PHF21B: variants seen among roughly 807,000 people sequenced by gnomAD.
The protein encoded by PHF21B is PHD finger protein 4.
Under a neutral mutation model 62.2 loss-of-function variants are expected in PHF21B, and 22 were observed. The ratio of observed to expected loss-of-function variants is 0.35; its 90% confidence interval spans 0.25 to 0.51. PHF21B has a LOEUF of 0.51. Ranked by LOEUF, PHF21B falls within the 20% of genes least tolerant of loss-of-function variation. PHF21B has a pLI of 0.97. For synonymous variants in PHF21B, 341 were observed against 314.7 expected, an observed-to-expected ratio of 1.08 and a Z score of -0.88; for missense variants, 701 against 707.9, an observed-to-expected ratio of 0.99 and a Z score of 0.11.
intron 2 of PHF21B, among the ~76,000 whole-genome samples, chr22:44,921,889 C>A (rs952437193): frequency 6.6e-6 from 1 of 152,120 alleles, no homozygotes; most frequent in Non-Finnish European, 1.5e-5. Flanking sequence ...AAACTCCTAA[C>A]CTCAGGTGAT....
At chr22:44,917,047 G>A (rs2239794) in intron 3 of PHF21B, among the ~76,000 whole-genome samples, 45,217 of 152,182 alleles carry the variant, frequency 0.3, 7,775 homozygotes, top group Non-Finnish European at 0.37. Flanking sequence ...GAGGGGCTTC[G>A]AGGGCTCCTG....
At chr22:44,884,764 CCACCAT>C (rs1258984448) in intron 12 of PHF21B, among the ~76,000 whole-genome samples, 3 of 40,162 alleles carry the variant, frequency 7.5e-5, no homozygotes, top group Non-Finnish European at 1.2e-4. Flanking sequence ...ACCATCATTA[CCACCAT>C]CACCATCACC....
chr22:44,992,731 G>T (rs2073060656), intron 2 of PHF21B, among the ~76,000 whole-genome samples: 1 of 152,168 alleles, frequency 6.6e-6, no homozygotes, highest in African/African-American at 2.4e-5. Context: ...CACAGAGTAG[G>T]CATAAGAATG....
chr22:44,972,526 G>C (rs960945194), intron 2 of PHF21B, among the ~76,000 whole-genome samples: 1 of 152,082 alleles, frequency 6.6e-6, no homozygotes, highest in African/African-American at 2.4e-5. Flanking sequence ...GAGTGTTGGC[G>C]GACGCGGCTG....
chr22:44,922,291 G>A (rs1165070634), intron 2 of PHF21B, among the ~76,000 whole-genome samples: 1 of 152,202 alleles, frequency 6.6e-6, no homozygotes, highest in Non-Finnish European at 1.5e-5. Context: ...ACAGCTGTTA[G>A]GACTAATAAA....
rs138286479 is a variant in PHF21B, at chr22:44,912,814, G to A, written c.831+1008C>T. Among the ~76,000 whole-genome samples the A allele has an allele frequency of 8.0e-3, 1,092 of 136,876 alleles. 9 individuals are homozygous for A. Among genetic ancestry groups the A allele is most frequent in the South Asian group, 0.014 (57 of 4,184 alleles). The allele number at this position is 136,876 out of a possible 152,430, so 89.8% of individuals were successfully genotyped here. A position where few individuals can be genotyped will look rare whatever the true frequency, so the allele number is the denominator to read the frequency against. On this transcript the variant is annotated intron_variant, in intron 5 of 12. Transcript: ENST00000313237. Reference sequence around the variant, plus strand: ...GGATCACTTGAGCCCAGGAGGTTGAGGCTGCAGTGAGCTATGATGGTGCCA... The same window carrying A: ...GGATCACTTGAGCCCAGGAGGTTGAAGCTGCAGTGAGCTATGATGGTGCCA...
At chr22:44,941,264 C>G (rs1383667621) in intron 2 of PHF21B, among the ~76,000 whole-genome samples, 1 of 152,174 alleles carries the variant, frequency 6.6e-6, no homozygotes, top group Non-Finnish European at 1.5e-5. Flanking sequence ...TCCAGAGGTC[C>G]ACGCAGTGCT....
chr22:44,924,777 T>C (rs186242585), intron 2 of PHF21B, among the ~76,000 whole-genome samples: 2 of 152,360 alleles, frequency 1.3e-5, no homozygotes, highest in Middle Eastern at 3.4e-3. Context: ...AGGACATTTA[T>C]GATACGAGAC....
intron 2 of PHF21B, among the ~76,000 whole-genome samples, chr22:44,961,828 G>C (rs893916695): frequency 2.0e-5 from 3 of 151,316 alleles, no homozygotes. Context: ...CTGGGTGACA[G>C]AGCGAGACTC....
chr22:44,919,911 G>T (rs1262474063), intron 3 of PHF21B, among the ~76,000 whole-genome samples: 1 of 152,250 alleles, frequency 6.6e-6, no homozygotes, highest in Non-Finnish European at 1.5e-5. Flanking sequence ...CTGGGGCAAA[G>T]CGTGGAGTCC....
chr22:44,962,383 C>T lies in PHF21B; in HGVS notation c.121-41893G>A, dbSNP rs2072441220. Among the ~76,000 whole-genome samples the T allele has an allele frequency of 2.0e-5, 3 of 152,206 alleles. No individual in the cohort carries two copies. In the South Asian group the frequency reaches 6.2e-4, roughly 32 times the overall value. ...AAATACATTTAACACACCTGGCCTG[C>T]TGAACATCATAGCCTAGCCCAGCCT... On this transcript the variant is annotated intron_variant, in intron 2 of 12. Transcript: ENST00000313237.
chr22:44,914,105 AG>A lies in PHF21B; in HGVS notation c.565-18del, dbSNP rs755059033. 16 of 448,614 alleles carry A rather than the reference AG, an allele frequency of 3.6e-5. No homozygotes were observed. Among genetic ancestry groups the A allele is most frequent in the Non-Finnish European group, 4.6e-5 (13 of 282,590 alleles). 27.8% of individuals were successfully genotyped at this position (448,614 alleles called of 1,614,324 possible). A position where few individuals can be genotyped will look rare whatever the true frequency, so the allele number is the denominator to read the frequency against. ...TGGAGGAGGCTGGAGAGCGAGGGTG[AG>A]GGGCACAGGGAGGAAGGGAAGAGTG... is the stretch of plus-strand genomic sequence containing the variant. On this transcript the variant is annotated intron_variant, in intron 4 of 12. Coordinates refer to ENST00000313237, the MANE Select transcript of PHF21B (RefSeq NM_138415.5).
At chr22:44,993,349 C>T (rs1053842505) in intron 2 of PHF21B, among the ~76,000 whole-genome samples, 3 of 152,182 alleles carry the variant, frequency 2.0e-5, no homozygotes, top group Admixed American at 6.5e-5. Context: ...AAAGGGGGAT[C>T]GCAGGAGGCC....
intron 5 of PHF21B, 128 bp from the exon 6 acceptor site, chr22:44,896,211 C>G: frequency 1.1e-6 from 1 of 905,494 alleles, no homozygotes; most frequent in Admixed American, 1.8e-5. Flanking sequence ...AGGCCTCCAA[C>G]TCCAGATGCC....
intron 5 of PHF21B, among the ~76,000 whole-genome samples, chr22:44,908,601 C>T (rs5765081): frequency 0.22 from 32,748 of 152,126 alleles, 4,059 homozygotes; most frequent in East Asian, 0.63. Flanking sequence ...GGAGCTGCAG[C>T]GACAGCGGAG....
At chr22:45,006,237 T>G (rs2073311805) in intron 2 of PHF21B, among the ~76,000 whole-genome samples, 1 of 152,148 alleles carries the variant, frequency 6.6e-6, no homozygotes, top group Admixed American at 6.5e-5. Context: ...AACAACACCC[T>G]CGCAGTTAAA....
intron 12 of PHF21B, among the ~76,000 whole-genome samples, chr22:44,884,041 GCAC>G (rs58584762): frequency 4.5e-5 from 3 of 67,062 alleles, no homozygotes; most frequent in Non-Finnish European, 7.8e-5. Context: ...ACTGTGATCA[GCAC>G]CACCACCACC....
chr22:44,965,812 C>T (rs1329446854), intron 2 of PHF21B, among the ~76,000 whole-genome samples: 1 of 152,178 alleles, frequency 6.6e-6, no homozygotes, highest in African/African-American at 2.4e-5. Context: ...ATCCCAGCAG[C>T]CTGGGGTTAG....
intron 12 of PHF21B, among the ~76,000 whole-genome samples, chr22:44,885,161 A>G (rs2070833300): frequency 6.6e-6 from 1 of 152,182 alleles, no homozygotes; most frequent in South Asian, 2.1e-4. Context: ...TGAACAGTGA[A>G]GCTCTGCATC....
Sources: gnomAD v4.1 joint callset for allele counts (sites outside exome capture counted in the v4.1 genomes callset) on GRCh38, gnomAD v4.1.1 for gene constraint, MANE v1.5 for transcripts, NCBI Gene and HGNC (gene_info 2026-07-23, HGNC 2026-07-21) for gene names.